Variants in DMD observed in about 807,000 individuals in gnomAD.
The protein encoded by DMD is mutant dystrophin.
In DMD, 63 loss-of-function variants were observed where a neutral mutation model predicts 330.1. The observed-to-expected ratio is 0.19, with a 90% CI of 0.16 to 0.24. The LOEUF is 0.24. Among genes scored for constraint, DMD ranks in the 10% least tolerant of loss-of-function variants. The pLI is 1.00. For synonymous variants in DMD, 1,223 were observed against 959.8 expected, an observed-to-expected ratio of 1.27 and a Z score of -5.07; for missense variants, 3,344 against 2,684.1, an observed-to-expected ratio of 1.25 and a Z score of -5.43.
chrX:32,205,186 A>G (rs937300606), intron 44 of DMD, among the ~76,000 whole-genome samples: 2 of 97,465 alleles, frequency 2.1e-5, no homozygotes, highest in Non-Finnish European at 2.0e-5. Context: ...AGTTTGGACA[A>G]TGAACACTAG....
chrX:31,343,604 TGTGTGTGTGTGTGTGAGA>T (rs1170160305), intron 61 of DMD, among the ~76,000 whole-genome samples: 34 of 95,503 alleles, frequency 3.6e-4, no homozygotes, highest in Non-Finnish European at 4.5e-4. Flanking sequence ...TGTGTGTGTG[TGTGTGTGTGTGTGTGAGA>T]GAGAGAGAGA....
chrX:31,293,130 TTCTC>T (rs1482637672), intron 62 of DMD, among the ~76,000 whole-genome samples: 2 of 89,935 alleles, frequency 2.2e-5, no homozygotes, highest in African/African-American at 4.7e-5. Context: ...AATATTCGCT[TTCTC>T]TCTCTCTCTC....
intron 55 of DMD, 63 bp from the exon 56 acceptor site, chrX:31,507,516 T>C: frequency 9.3e-7 from 1 of 1,070,383 alleles, no homozygotes; most frequent in Admixed American, 2.6e-5. Context: ...AAGCGATGAA[T>C]GTGAATTTGG....
At chrX:31,512,636 G>A (rs746619218) in intron 55 of DMD, among the ~76,000 whole-genome samples, 5,233 of 109,986 alleles carry the variant, frequency 0.048, 325 homozygotes, top group African/African-American at 0.16. Flanking sequence ...TTAAAGATCA[G>A]ATAGTTGTAG....
intron 41 of DMD, among the ~76,000 whole-genome samples, chrX:32,340,676 T>G (rs186770654): frequency 8.9e-5 from 10 of 112,267 alleles, no homozygotes; most frequent in Admixed American, 3.8e-4. Context: ...CCTTGAATGA[T>G]CTATTAAATT....
chrX:31,737,387 G>A (rs373434165), intron 51 of DMD, among the ~76,000 whole-genome samples: 3 of 113,026 alleles, frequency 2.7e-5, no homozygotes, highest in East Asian at 5.5e-4. Context: ...ATCAGTCATG[G>A]TTCTTGCAAT....
At chrX:32,743,789 C>A (rs2069617264) in intron 7 of DMD, among the ~76,000 whole-genome samples, 1 of 111,324 alleles carries the variant, frequency 9.0e-6, no homozygotes, top group African/African-American at 3.3e-5. Context: ...TCATAAACTG[C>A]CATAGCACCC....
chrX:32,646,492 C>A (rs184442401), intron 9 of DMD, among the ~76,000 whole-genome samples: 2 of 110,937 alleles, frequency 1.8e-5, no homozygotes, highest in East Asian at 5.7e-4. Context: ...AGCACGGGGC[C>A]CCCTAACAAA....
intron 44 of DMD, among the ~76,000 whole-genome samples, chrX:32,086,950 G>T (rs371265529): frequency 8.9e-6 from 1 of 111,898 alleles, no homozygotes; most frequent in East Asian, 2.8e-4. Flanking sequence ...AACCTGCAAA[G>T]TTCAGCACAA....
chrX:31,792,634 C>T (rs1371131817), intron 50 of DMD, among the ~76,000 whole-genome samples: 2 of 111,984 alleles, frequency 1.8e-5, no homozygotes, highest in Non-Finnish European at 1.9e-5. Context: ...TTGTGGAACT[C>T]GCAACAGGGG....
intron 44 of DMD, among the ~76,000 whole-genome samples, chrX:32,133,006 T>C (rs1396935965): frequency 8.6e-5 from 7 of 81,000 alleles, no homozygotes; most frequent in Admixed American, 1.3e-4. Flanking sequence ...TTTTTTTTTT[T>C]TTTTTTTTTT....
At chrX:33,266,090 T>G (rs2053036475) in intron 1 of DMD, among the ~76,000 whole-genome samples, 1 of 111,581 alleles carries the variant, frequency 9.0e-6, no homozygotes, top group African/African-American at 3.2e-5. Flanking sequence ...AACTCTAGCT[T>G]TCTCTTTATT....
intron 42 of DMD, among the ~76,000 whole-genome samples, chrX:32,295,561 A>T (rs1448236013): frequency 3.6e-5 from 4 of 112,596 alleles, no homozygotes; most frequent in Admixed American, 1.9e-4. Context: ...TAAGAAGATA[A>T]TTGGTTTTTA....
In DMD at chrX:31,678,467, C is replaced by T. The variant is rs768897444; in HGVS notation, c.7872+908G>A. 2.4e-4 allele frequency among the ~76,000 whole-genome samples: 27 copies of T among 112,139 alleles called. No homozygotes were observed. The South Asian group carries it at 9.6e-3, about 40-fold the overall frequency. ...ATACTAAGTTTGAAGGGATTAAACG[C>T]ATGCAAAGCACTATGCATGCTGCTT... On this transcript the variant is annotated intron_variant, in intron 53 of 78. Transcript: ENST00000357033.
intron 77 of DMD, among the ~76,000 whole-genome samples, chrX:31,127,232 A>C (rs189463332): frequency 8.9e-6 from 1 of 112,012 alleles, no homozygotes; most frequent in Non-Finnish European, 1.9e-5. Context: ...GAAAACAGAA[A>C]GAACAGATGA....
intron 7 of DMD, among the ~76,000 whole-genome samples, chrX:32,805,280 G>T (rs2076870326): frequency 1.8e-5 from 2 of 111,611 alleles, no homozygotes; most frequent in South Asian, 3.7e-4. Flanking sequence ...TGACCTGATG[G>T]AACTGAAAAA....
At chrX:31,828,671 AAAAAAAAAAAG>A (rs927599478) in intron 49 of DMD, among the ~76,000 whole-genome samples, 22 of 109,158 alleles carry the variant, frequency 2.0e-4, no homozygotes, top group Non-Finnish European at 1.9e-5. Context: ...CTCAAAAAAA[AAAAAAAAAAAG>A]AAAGAAACCC....
chrX:32,087,948 T>A (rs915829563), intron 44 of DMD, among the ~76,000 whole-genome samples: 1 of 112,286 alleles, frequency 8.9e-6, no homozygotes, highest in African/African-American at 3.2e-5. Context: ...ACATGAATTC[T>A]ATAATGAGTT....
intron 41 of DMD, among the ~76,000 whole-genome samples, chrX:32,327,365 G>A (rs763742058): frequency 3.7e-4 from 41 of 110,873 alleles, no homozygotes; most frequent in Non-Finnish European, 7.4e-4. Context: ...GAGGCCTTTT[G>A]TTCTACTCCA....
Sources: gnomAD v4.1 joint callset for allele counts (sites outside exome capture counted in the v4.1 genomes callset) on GRCh38, gnomAD v4.1.1 for gene constraint, MANE v1.5 for transcripts, NCBI Gene and HGNC (gene_info 2026-07-23, HGNC 2026-07-21) for gene names.